GPA33: variants seen among roughly 807,000 people sequenced by gnomAD.
GPA33 encodes cell surface A33 antigen.
A neutral mutation model predicts 35.6 loss-of-function variants in GPA33; 27 were observed. That is an observed-to-expected ratio of 0.76 (90% confidence interval 0.56 to 1.04). The LOEUF is 1.04. Ranked by LOEUF, GPA33 falls within the 50% of genes least tolerant of loss-of-function variation. GPA33 has a pLI of 0.00. For missense variants in GPA33, 428 were observed against 411.9 expected (o/e 1.04, Z -0.34); for synonymous variants, 176 against 164.0 (o/e 1.07, Z -0.56).
chr1:167,055,783 G>A lies in GPA33; in HGVS notation c.638C>T (p.Ser213Phe). 6.2e-7 allele frequency: 1 copy of A among 1,614,010 alleles called. No homozygotes were observed. Among genetic ancestry groups the A allele is most frequent in the Non-Finnish European group, 8.5e-7 (1 of 1,179,928 alleles). Reference protein sequence around the residue: ...TDTSGYYICTSSNEEGTQFCN... With the variant: ...TDTSGYYICTFSNEEGTQFCN... ...GAACTGCGTCCCCTCCTCATTGCTG[G>A]AGGTACAGATGTAGTAACCCGATGT... Residue 213 changes from serine (S) to phenylalanine (F), a missense_variant, in exon 5 of 7, where the codon TCC (serine) becomes TTC (phenylalanine). Ser to Phe is a radical substitution (Grantham distance 155). Transcript: ENST00000367868.
intron 4 of GPA33, among the ~76,000 whole-genome samples, chr1:167,061,544 C>T (rs1434020212): frequency 2.0e-5 from 3 of 146,804 alleles, no homozygotes; most frequent in African/African-American, 7.6e-5. Context: ...ACCTACATTA[C>T]ATTGACCTAT....
chr1:167,082,876 T>TG (rs148806399), intron 1 of GPA33, among the ~76,000 whole-genome samples: 19 of 152,144 alleles, frequency 1.2e-4, no homozygotes, highest in Non-Finnish European at 2.5e-4. Flanking sequence ...CAAAGGTCAC[T>TG]GGGTAGGAGA....
chr1:167,087,777 A>G (rs1307708821), intron 1 of GPA33, among the ~76,000 whole-genome samples: 1 of 152,030 alleles, frequency 6.6e-6, no homozygotes, highest in Non-Finnish European at 1.5e-5. Context: ...TTAGCTGGGC[A>G]TGGTGGTGCA....
At chr1:167,062,992 CT>C (rs1666495056) in intron 4 of GPA33, among the ~76,000 whole-genome samples, 2 of 152,198 alleles carry the variant, frequency 1.3e-5, no homozygotes, top group African/African-American at 4.8e-5. Flanking sequence ...GCACAGAGTG[CT>C]TATCAGGGCA....
chr1:167,087,098 G>A (rs1403492420), intron 1 of GPA33, among the ~76,000 whole-genome samples: 1 of 152,194 alleles, frequency 6.6e-6, no homozygotes, highest in Non-Finnish European at 1.5e-5. Flanking sequence ...GCACACATTG[G>A]AGCATTTTCT....
chr1:167,084,055 G>T (rs999160528), intron 1 of GPA33, among the ~76,000 whole-genome samples: 21 of 152,214 alleles, frequency 1.4e-4, no homozygotes, highest in African/African-American at 4.8e-4. Context: ...TACATGGCCA[G>T]TGCAGCCAGA....
At chr1:167,058,366 G>C (rs1379377291) in intron 4 of GPA33, 1 of 152,074 alleles carries the variant, frequency 6.6e-6, no homozygotes, top group Non-Finnish European at 1.5e-5. Context: ...TGTCCTCTTG[G>C]TGTTTCCAGT....
chr1:167,067,056 TTA>T (rs1197280806), intron 3 of GPA33, among the ~76,000 whole-genome samples: 1 of 152,204 alleles, frequency 6.6e-6, no homozygotes, highest in African/African-American at 2.4e-5. Flanking sequence ...TTATTTATGT[TTA>T]TATATGTTTA....
chr1:167,060,338 G>T (rs1438370080), intron 4 of GPA33, among the ~76,000 whole-genome samples: 1 of 152,174 alleles, frequency 6.6e-6, no homozygotes, highest in Non-Finnish European at 1.5e-5. Context: ...TTCTCAAAGT[G>T]CTGGGATTAC....
intron 3 of GPA33, 95 bp from the exon 4 acceptor site, chr1:167,063,832 T>C: frequency 1.2e-6 from 1 of 820,598 alleles, no homozygotes; most frequent in Non-Finnish European, 1.8e-6. Context: ...ACACATATAC[T>C]GCCTTGTTTG....
At chr1:167,072,027 C>T (rs1479894017) in intron 2 of GPA33, among the ~76,000 whole-genome samples, 1 of 152,186 alleles carries the variant, frequency 6.6e-6, no homozygotes, top group Non-Finnish European at 1.5e-5. Flanking sequence ...AAGCTAAAGG[C>T]AGCAGCTCCC....
chr1:167,067,831 A>G (rs1666633162), intron 3 of GPA33, among the ~76,000 whole-genome samples: 1 of 151,962 alleles, frequency 6.6e-6, no homozygotes, highest in South Asian at 2.1e-4. Context: ...ACATGATTCC[A>G]TTTTTTTTAA....
Position 167,055,808 on chromosome 1 carries a change from T to C in GPA33, c.613A>G (p.Thr205Ala). 1 of 1,613,864 alleles carries C rather than the reference T, an allele frequency of 6.2e-7. No homozygotes were observed. Among genetic ancestry groups the C allele is most frequent in the Non-Finnish European group, 8.5e-7 (1 of 1,179,836 alleles). The change falls in exon 5 of 7, where the codon ACA (threonine) becomes GCA (alanine). Residue 205 changes from threonine to alanine, a missense_variant. By Grantham distance (58) the Thr-to-Ala change is moderately conservative. Coordinates refer to ENST00000367868, the MANE Select transcript of GPA33 (RefSeq NM_005814.3). The part of the protein sequence containing the change: ...PVSLKNISTD[T>A]SGYYICTSSN... ...GAGGTACAGATGTAGTAACCCGATG[T>C]GTCTGTGGAGATATTCTTCAGGGAG...
Position 167,054,078 on chromosome 1 carries a change from GA to G in GPA33, c.*255del. The G allele has an allele frequency of 2.0e-6, 1 of 506,148 alleles. No homozygotes were observed. Among genetic ancestry groups the G allele is most frequent in the African/African-American group, 1.9e-5 (1 of 51,616 alleles). 31.4% of individuals were successfully genotyped at this position (506,148 alleles called of 1,614,324 possible). A position where few individuals can be genotyped will look rare whatever the true frequency, so the allele number is the denominator to read the frequency against. On this transcript the variant is annotated 3_prime_UTR_variant, in exon 7 of 7. Transcript: ENST00000367868. ...GAAGTGGAGGCTGCAGCCTGGTCTTGAGTGAGGGCCAGGCCCGCACCAGGTG... is the reference window on the plus strand; with the variant it reads ...GAAGTGGAGGCTGCAGCCTGGTCTTGGTGAGGGCCAGGCCCGCACCAGGTG...
chr1:167,059,665 G>T (rs1325363297), intron 4 of GPA33, among the ~76,000 whole-genome samples: 1 of 151,896 alleles, frequency 6.6e-6, no homozygotes, highest in Non-Finnish European at 1.5e-5. Context: ...TTTCTTCAGT[G>T]CATGAAACTC....
Position 167,069,123 on chromosome 1 carries a change from A to G in GPA33, c.214T>C (p.Trp72Arg). 1 of 1,612,978 alleles carries G rather than the reference A, an allele frequency of 6.2e-7. No individual in the cohort carries two copies. Among genetic ancestry groups the G allele is most frequent in the Non-Finnish European group, 8.5e-7 (1 of 1,179,006 alleles). ...LLTHTERVVI[W>R]PFSNKNYIHG... ...ATGTAGTTTTTGTTTGAAAACGGCC[A>G]GATGACCACCCTTTCCTGGAGAGAG... The change falls in exon 3 of 7, where the codon TGG becomes CGG. Residue 72 changes from tryptophan (W) to arginine (R), a missense_variant. Physicochemically the swap from Trp to Arg is moderately radical, Grantham distance 101 (BLOSUM62 -3). Transcript: ENST00000367868.
intron 4 of GPA33, among the ~76,000 whole-genome samples, chr1:167,062,909 C>G (rs968296575): frequency 2.2e-4 from 34 of 152,102 alleles, no homozygotes; most frequent in African/African-American, 7.7e-4. Context: ...TTGCGTGGAG[C>G]CCCCGAGTTA....
intron 1 of GPA33, chr1:167,082,445 A>G (rs1571319779): frequency 2.6e-6 from 1 of 390,426 alleles, no homozygotes; most frequent in Non-Finnish European, 5.0e-6. Flanking sequence ...CCAGAGGGGC[A>G]CAGAGGATCC....
intron 1 of GPA33, among the ~76,000 whole-genome samples, chr1:167,081,644 C>T (rs1438840575): frequency 6.6e-6 from 1 of 152,222 alleles, no homozygotes; most frequent in South Asian, 2.1e-4. Flanking sequence ...TGTTCACACG[C>T]CATCTTGGAA....
Sources: gnomAD v4.1 joint callset for allele counts (sites outside exome capture counted in the v4.1 genomes callset) on GRCh38, gnomAD v4.1.1 for gene constraint, MANE v1.5 for transcripts, NCBI Gene and HGNC (gene_info 2026-07-23, HGNC 2026-07-21) for gene names.